Variants in UTRN observed in about 807,000 individuals in gnomAD.
UTRN encodes dystrophin-related protein 1.
Under a neutral mutation model 463.9 loss-of-function variants are expected in UTRN, and 283 were observed. The observed-to-expected ratio is 0.61, with a 90% CI of 0.55 to 0.67. UTRN has a LOEUF of 0.67. Ranked by LOEUF, UTRN falls within the 30% of genes least tolerant of loss-of-function variation. UTRN has a pLI of 0.00. For synonymous variants in UTRN, 1,442 were observed against 1,431.5 expected (o/e 1.01, Z -0.17); for missense variants, 3,922 against 4,084.3 (o/e 0.96, Z 1.08).
intron 52 of UTRN, among the ~76,000 whole-genome samples, chr6:144,692,092 TC>T (rs1397591984): frequency 1.3e-5 from 2 of 152,178 alleles, no homozygotes; most frequent in Admixed American, 1.3e-4. Context: ...CCTCTATGTA[TC>T]CAAGTGTTCT....
At chr6:144,724,941 G>T (rs111229505) in intron 53 of UTRN, among the ~76,000 whole-genome samples, 424 of 151,960 alleles carry the variant, frequency 2.8e-3, no homozygotes, top group Non-Finnish European at 4.6e-3. Context: ...CTTTTTCTTC[G>T]GTATATACCT....
At chr6:144,326,491 T>A (rs967169986) in intron 2 of UTRN, among the ~76,000 whole-genome samples, 1 of 152,196 alleles carries the variant, frequency 6.6e-6, no homozygotes, top group Non-Finnish European at 1.5e-5. Context: ...AAGTTTCTCC[T>A]CTGATGTGAC....
intron 51 of UTRN, among the ~76,000 whole-genome samples, chr6:144,664,284 G>A (rs927501143): frequency 6.6e-6 from 1 of 152,188 alleles, no homozygotes; most frequent in African/African-American, 2.4e-5. Context: ...TTTGACATGG[G>A]TCAGAAGTTG....
intron 4 of UTRN, among the ~76,000 whole-genome samples, chr6:144,423,120 C>T (rs1784984984): frequency 6.6e-6 from 1 of 152,178 alleles, no homozygotes; most frequent in Admixed American, 6.5e-5. Flanking sequence ...CTCTAAAATC[C>T]TTCTGCAGCC....
intron 52 of UTRN, among the ~76,000 whole-genome samples, chr6:144,683,371 C>T (rs372290506): frequency 4.6e-5 from 7 of 152,242 alleles, no homozygotes; most frequent in Admixed American, 1.3e-4. Flanking sequence ...GGGACTGTTT[C>T]AGGGGTGGAG....
chr6:144,514,553 ATATT>A (rs1026251245), intron 36 of UTRN, 93 bp from the exon 37 acceptor site: 3 of 1,287,350 alleles, frequency 2.3e-6, no homozygotes, highest in African/African-American at 1.5e-5. Flanking sequence ...GGGATCCCAG[ATATT>A]TATTTAAACT....
intron 2 of UTRN, among the ~76,000 whole-genome samples, chr6:144,386,557 T>G (rs1405014345): frequency 1.3e-5 from 2 of 151,958 alleles, no homozygotes; most frequent in Admixed American, 6.5e-5. Flanking sequence ...AGACTAAACC[T>G]TTCAATTATT....
At chr6:144,354,624 T>A (rs1778393310) in intron 2 of UTRN, among the ~76,000 whole-genome samples, 1 of 152,236 alleles carries the variant, frequency 6.6e-6, no homozygotes, top group African/African-American at 2.4e-5. Flanking sequence ...AGCAGTTCTC[T>A]GCTGGATGCC....
At chr6:144,493,708 G>A (rs566318738) in intron 33 of UTRN, among the ~76,000 whole-genome samples, 2 of 152,276 alleles carry the variant, frequency 1.3e-5, no homozygotes, top group South Asian at 4.1e-4. Flanking sequence ...AGTGGCTCAC[G>A]CCTGTAATCC....
chr6:144,612,731 A>ATT (rs1805655184), intron 51 of UTRN, among the ~76,000 whole-genome samples: 1 of 152,144 alleles, frequency 6.6e-6, no homozygotes, highest in Admixed American at 6.5e-5. Context: ...AGAGAAAAGG[A>ATT]AAAGAACTCA....
Position 144,522,140 on chromosome 6 carries a change from AAG to A in UTRN, c.5704_5705del (p.Asp1902LeufsTer27). The A allele has an allele frequency of 1.3e-6, 2 of 1,547,260 alleles. No homozygotes were observed. The highest frequency in any genetic ancestry group is 1.7e-6 in the Non-Finnish European group (2 of 1,147,954). ...CCAGAGCTCAACACTGCTATTTACGAAGACTTCTCTTTTCAGGAAGACTCTCT... is the reference window on the plus strand; with the variant it reads ...CCAGAGCTCAACACTGCTATTTACGAACTTCTCTTTTCAGGAAGACTCTCT... On this transcript the variant is annotated frameshift_variant, in exon 40 of 75. Transcript: ENST00000367545. LOFTEE classifies it high-confidence loss of function.
At chr6:144,671,320 G>A (rs1011612193) in intron 51 of UTRN, among the ~76,000 whole-genome samples, 4 of 151,990 alleles carry the variant, frequency 2.6e-5, no homozygotes, top group East Asian at 1.9e-4. Context: ...TCTTTCAGCA[G>A]CATTTTATAG....
chr6:144,466,300 A>G (rs1789957640), intron 23 of UTRN, among the ~76,000 whole-genome samples: 1 of 152,154 alleles, frequency 6.6e-6, no homozygotes, highest in Non-Finnish European at 1.5e-5. Flanking sequence ...ATCCTTCAAT[A>G]TTTGTAAGAG....
intron 34 of UTRN, among the ~76,000 whole-genome samples, chr6:144,500,086 G>A (rs1401588848): frequency 2.0e-5 from 3 of 152,174 alleles, no homozygotes; most frequent in African/African-American, 7.2e-5. Context: ...GAGTGCATGT[G>A]TCTTTTTGGT....
intron 27 of UTRN, among the ~76,000 whole-genome samples, chr6:144,484,665 A>G (rs2128575628): frequency 6.7e-6 from 1 of 149,894 alleles, no homozygotes; most frequent in South Asian, 2.1e-4. Context: ...CTGGTCTTGA[A>G]CTCCTGACCT....
intron 8 of UTRN, among the ~76,000 whole-genome samples, chr6:144,429,141 G>T (rs965538116): frequency 2.0e-5 from 3 of 152,142 alleles, no homozygotes; most frequent in African/African-American, 7.2e-5. Flanking sequence ...TTAAGTAAGA[G>T]TTAAAGTTTT....
At chr6:144,724,863 T>C (rs543354531) in intron 53 of UTRN, among the ~76,000 whole-genome samples, 2 of 152,346 alleles carry the variant, frequency 1.3e-5, no homozygotes, top group African/African-American at 2.4e-5. Flanking sequence ...GTTGTGTCCA[T>C]CTTTTGGCTA....
chr6:144,563,844 A>T (rs1349020059), intron 50 of UTRN, among the ~76,000 whole-genome samples: 2 of 152,284 alleles, frequency 1.3e-5, no homozygotes, highest in East Asian at 3.9e-4. Context: ...ATTGCCAACA[A>T]TGTCTTTGTG....
At chr6:144,568,970 G>A (rs1337538272) in intron 50 of UTRN, among the ~76,000 whole-genome samples, 1 of 152,060 alleles carries the variant, frequency 6.6e-6, no homozygotes, top group Non-Finnish European at 1.5e-5. Flanking sequence ...ATTCACCTGT[G>A]TAATAAAGTA....
Sources: gnomAD v4.1 joint callset for allele counts (sites outside exome capture counted in the v4.1 genomes callset) on GRCh38, gnomAD v4.1.1 for gene constraint, MANE v1.5 for transcripts, NCBI Gene and HGNC (gene_info 2026-07-23, HGNC 2026-07-21) for gene names.